URI1: variants seen among roughly 807,000 people sequenced by gnomAD.
The protein encoded by URI1 is URI1 prefoldin like chaperone.
URI1 carries 39 observed loss-of-function variants against 60.2 expected under a neutral mutation model. The observed-to-expected ratio is 0.65, with a 90% CI of 0.50 to 0.85. The LOEUF (loss-of-function observed/expected upper bound fraction) is 0.85. Ranked by LOEUF, URI1 falls within the 40% of genes least tolerant of loss-of-function variation. The probability of loss-of-function intolerance (pLI) is 0.00; values close to 1 mark genes in which losing one functional copy is unlikely to be tolerated. For synonymous variants in URI1, 251 were observed against 236.8 expected, an observed-to-expected ratio of 1.06 and a Z score of -0.55; for missense variants, 691 against 665.9, an observed-to-expected ratio of 1.04 and a Z score of -0.42.
Position 30,009,231 on chromosome 19 carries a change from GA to G in URI1, c.914del (p.Asp305ValfsTer21). Reference sequence around the variant, plus strand: ...CCACAGTGATGATGATGATGATGATGATGATGACGACGACGACGACAACATT... The same window carrying G: ...CCACAGTGATGATGATGATGATGATGTGATGACGACGACGACGACAACATT... The part of the protein sequence containing the change: ...SYHSDDDDDD[D>X]DDDDDDNIDD... On this transcript the variant is annotated frameshift_variant, in exon 8 of 11. Transcript: ENST00000392271. LOFTEE classifies it high-confidence loss of function. 1 of 1,612,772 alleles carries G rather than the reference GA, an allele frequency of 6.2e-7. No individual in the cohort carries two copies. The highest frequency in any genetic ancestry group is 1.1e-5 in the South Asian group (1 of 91,006).
At chr19:29,952,753 A>T (rs1466917477) in intron 1 of URI1, among the ~76,000 whole-genome samples, 5 of 152,220 alleles carry the variant, frequency 3.3e-5, no homozygotes, top group Non-Finnish European at 5.9e-5. Context: ...TCTTGTGTGT[A>T]TACTTTTCAG....
At chr19:29,936,636 T>G (rs1461908257) in intron 1 of URI1, among the ~76,000 whole-genome samples, 1 of 152,228 alleles carries the variant, frequency 6.6e-6, no homozygotes, top group East Asian at 1.9e-4. Context: ...CAGCCATTAT[T>G]TCTTCAAATT....
At chr19:30,004,321 G>A (rs1041358417) in intron 4 of URI1, 1 of 151,980 alleles carries the variant, frequency 6.6e-6, no homozygotes, top group Non-Finnish European at 1.5e-5. Flanking sequence ...CCGTATCGGA[G>A]AACATGTGCC....
intron 4 of URI1, among the ~76,000 whole-genome samples, chr19:29,998,945 C>A (rs1344446715): frequency 1.3e-5 from 2 of 151,660 alleles, no homozygotes; most frequent in African/African-American, 4.8e-5. Context: ...GTTTTGATCT[C>A]CTTTTCACTT....
Position 29,944,140 on chromosome 19 carries a change from CATATATATATATAT to C in URI1, c.117+1516_117+1529del, listed in dbSNP as rs56329506. ...GGCGACAGAGTGAGACCCTGTCATT[CATATATATATATAT>C]ATATATATATATATATATATATATA... On this transcript the variant is annotated intron_variant, in intron 1 of 10. Transcript: ENST00000392271. 7.1e-3 allele frequency among the ~76,000 whole-genome samples: 263 copies of C among 37,104 alleles called. 4 individuals are homozygous for C. The highest frequency in any genetic ancestry group is 0.026 in the East Asian group (49 of 1,876). The allele number at this position is 37,104 out of a possible 152,430, so 24.3% of individuals were successfully genotyped here. A position where few individuals can be genotyped will look rare whatever the true frequency, so the allele number is the denominator to read the frequency against.
chr19:29,958,608 TC>T (rs1471591830), intron 1 of URI1, among the ~76,000 whole-genome samples: 4 of 152,218 alleles, frequency 2.6e-5, no homozygotes, highest in Non-Finnish European at 5.9e-5. Context: ...GGTATTTTGT[TC>T]TGTTACATGA....
chr19:29,955,216 G>A (rs368479448), intron 1 of URI1, among the ~76,000 whole-genome samples: 4 of 151,032 alleles, frequency 2.6e-5, no homozygotes, highest in African/African-American at 4.9e-5. Flanking sequence ...CGCCTGCCTC[G>A]GCCTCCCAAA....
At chr19:30,008,941 G>C (rs1035796357) in intron 7 of URI1, 64 bp from the exon 8 acceptor site, 8 of 1,306,066 alleles carry the variant, frequency 6.1e-6, no homozygotes, top group Non-Finnish European at 8.2e-6. Context: ...AAACTAACTG[G>C]AAATTTAAAT....
intron 1 of URI1, chr19:29,956,360 G>T (rs2055247789): frequency 3.1e-6 from 3 of 972,600 alleles, no homozygotes; most frequent in East Asian, 4.1e-5. Context: ...TCACAAGTAT[G>T]TCTTAGGAGT....
chr19:29,942,684 C>A lies in URI1; in HGVS notation c.117+20C>A, dbSNP rs752667629. ...GAAAAGGTAACTAGCAGCCCCGCGC[C>A]GCTTCCGCCTCCGCCCGCCGGGCTG... On this transcript the variant is annotated intron_variant, in intron 1 of 10. Transcript: ENST00000392271. 5.1e-6 allele frequency: 7 copies of A among 1,377,092 alleles called. No individual in the cohort carries two copies. The African/African-American group carries it at 9.0e-5, about 18-fold the overall frequency. 85.3% of individuals were successfully genotyped at this position (1,377,092 alleles called of 1,614,324 possible). A position where few individuals can be genotyped will look rare whatever the true frequency, so the allele number is the denominator to read the frequency against.
At chr19:30,005,755 T>G in intron 6 of URI1, 47 bp downstream of exon 6, 1 of 1,544,190 alleles carries the variant, frequency 6.5e-7, no homozygotes, top group Non-Finnish European at 8.8e-7. Context: ...ATATTTTGAT[T>G]TTTGTTGATT....
rs1252412428 is a variant in URI1, at chr19:29,942,511, A to T, written c.-37A>T. On this transcript the variant is annotated 5_prime_UTR_variant, in exon 1 of 11. Transcript: ENST00000392271. ...GCGCCGCCTGCGCAGGCGCTGGTTC[A>T]GGACTCACACGCCGCGCTGAGGCCC... is the stretch of plus-strand genomic sequence containing the variant. 6 of 1,301,238 alleles carry T rather than the reference A, an allele frequency of 4.6e-6. No homozygotes were observed. The highest frequency in any genetic ancestry group is 5.9e-6 in the Non-Finnish European group (6 of 1,022,804). 80.6% of individuals were successfully genotyped at this position (1,301,238 alleles called of 1,614,324 possible). A position where few individuals can be genotyped will look rare whatever the true frequency, so the allele number is the denominator to read the frequency against.
chr19:29,943,192 C>G (rs201017314), intron 1 of URI1, among the ~76,000 whole-genome samples: 1 of 152,120 alleles, frequency 6.6e-6, no homozygotes, highest in East Asian at 1.9e-4. Context: ...CGATCCTCCC[C>G]CTCCTACCCT....
chr19:29,950,202 A>T (rs202000270), intron 1 of URI1, among the ~76,000 whole-genome samples: 64 of 152,284 alleles, frequency 4.2e-4, no homozygotes, highest in Admixed American at 3.3e-3. Context: ...GAAAAAACCC[A>T]TTTCATTGTT....
At chr19:29,953,524 C>T (rs1050426509) in intron 1 of URI1, among the ~76,000 whole-genome samples, 1 of 152,044 alleles carries the variant, frequency 6.6e-6, no homozygotes, top group African/African-American at 2.4e-5. Flanking sequence ...TTATTGAAAG[C>T]GAAAAGCAGA....
chr19:29,942,092 T>C, upstream of URI1: 2 of 401,416 alleles, frequency 5.0e-6, no homozygotes, highest in Non-Finnish European at 6.7e-6. Flanking sequence ...TCCAGAGGGA[T>C]ACAAACGCAG....
At position 30,009,257 on chromosome 19, in the gene URI1, T is replaced by TGAC. The variant is rs2055987724; in HGVS notation, c.945_947dup (p.Asp317dup). 14 of 1,613,796 alleles carry TGAC rather than the reference T, an allele frequency of 8.7e-6. No homozygotes were observed. The highest frequency in any genetic ancestry group is 1.2e-5 in the Non-Finnish European group (14 of 1,179,904). On this transcript the variant is annotated inframe_insertion, in exon 8 of 11. Transcript: ENST00000392271. ...ATGATGACGACGACGACGACAACAT[T>TGAC]GACGACGATGATGGTGATAACGACC...
chr19:29,929,160 G>C (rs2054894614), intron 1 of URI1, among the ~76,000 whole-genome samples: 2 of 152,102 alleles, frequency 1.3e-5, no homozygotes, highest in African/African-American at 4.8e-5. Context: ...GTGATTGCTG[G>C]GTTGTATAAG....
intron 4 of URI1, among the ~76,000 whole-genome samples, chr19:30,002,521 C>T (rs1409689547): frequency 6.6e-6 from 1 of 151,932 alleles, no homozygotes; most frequent in East Asian, 1.9e-4. Flanking sequence ...CACATTTAAC[C>T]TGCAGCCTGG....
Sources: gnomAD v4.1 joint callset for allele counts (sites outside exome capture counted in the v4.1 genomes callset) on GRCh38, gnomAD v4.1.1 for gene constraint, MANE v1.5 for transcripts, NCBI Gene and HGNC (gene_info 2026-07-23, HGNC 2026-07-21) for gene names.